CALN1: variants seen among roughly 807,000 people sequenced by gnomAD.
CALN1 encodes calcium-binding protein 8.
Under a neutral mutation model 30.6 loss-of-function variants are expected in CALN1, and 17 were observed. The observed-to-expected ratio is 0.56, with a 90% CI of 0.38 to 0.83. CALN1 has a LOEUF of 0.83. CALN1 is among the 40% of genes least tolerant of loss of function. The probability of loss-of-function intolerance (pLI) is 0.00; values close to 1 mark genes in which losing one functional copy is unlikely to be tolerated. For missense variants in CALN1, 291 were observed against 354.9 expected (o/e 0.82, Z 1.45); for synonymous variants, 156 against 131.4 (o/e 1.19, Z -1.28).
At chr7:71,997,353 G>A (rs1799306955) in intron 5 of CALN1, among the ~76,000 whole-genome samples, 1 of 152,146 alleles carries the variant, frequency 6.6e-6, no homozygotes, top group Non-Finnish European at 1.5e-5. Flanking sequence ...CAAAATCAGT[G>A]ATTGTGAGGA....
At chr7:71,906,364 T>C (rs2116972677) in intron 5 of CALN1, among the ~76,000 whole-genome samples, 1 of 152,216 alleles carries the variant, frequency 6.6e-6, no homozygotes, top group East Asian at 1.9e-4. Flanking sequence ...GAGGAGGAGC[T>C]TAGATATTGA....
intron 3 of CALN1, among the ~76,000 whole-genome samples, chr7:72,155,471 G>A (rs1381005989): frequency 6.1e-5 from 9 of 148,330 alleles, no homozygotes; most frequent in Non-Finnish European, 1.0e-4. Context: ...CAGCCTGGGC[G>A]ACAGAGCAAG....
In CALN1 at chr7:71,779,809, G is replaced by A. The variant is rs146779566; in HGVS notation, c.*7966C>T. On this transcript the variant is annotated 3_prime_UTR_variant, in exon 7 of 7. Coordinates refer to ENST00000395275, the MANE Select transcript of CALN1 (RefSeq NM_031468.4). Reference sequence around the variant, plus strand: ...ATGAGAGAAAATGGGATGCTAATGAGGTAAATGGGAAGATGGTGATTGATG... The same window carrying A: ...ATGAGAGAAAATGGGATGCTAATGAAGTAAATGGGAAGATGGTGATTGATG... The A allele has an allele frequency of 6.6e-6, 1 of 152,206 alleles. No homozygotes were observed. Among genetic ancestry groups the A allele is most frequent in the African/African-American group, 2.4e-5 (1 of 41,520 alleles). 9.4% of individuals were successfully genotyped at this position (152,206 alleles called of 1,614,324 possible).
At chr7:71,901,084 C>T (rs1793822653) in intron 5 of CALN1, among the ~76,000 whole-genome samples, 1 of 152,160 alleles carries the variant, frequency 6.6e-6, no homozygotes, top group South Asian at 2.1e-4. Context: ...AACTTCTTTG[C>T]CTACTCTTAC....
intron 2 of CALN1, among the ~76,000 whole-genome samples, chr7:72,298,152 A>C (rs1020741331): frequency 2.6e-5 from 4 of 152,186 alleles, no homozygotes; most frequent in Non-Finnish European, 2.9e-5. Flanking sequence ...TGTCATCTTT[A>C]CCTGTGTATG....
At chr7:71,797,112 C>G (rs960583546) in intron 6 of CALN1, among the ~76,000 whole-genome samples, 1 of 152,242 alleles carries the variant, frequency 6.6e-6, no homozygotes, top group Non-Finnish European at 1.5e-5. Flanking sequence ...CATAATCCCT[C>G]TGCCTTCAAT....
chr7:71,813,870 G>A (rs1788106630), intron 5 of CALN1, among the ~76,000 whole-genome samples: 2 of 149,576 alleles, frequency 1.3e-5, no homozygotes, highest in Admixed American at 6.7e-5. Flanking sequence ...GGCGGAGCTT[G>A]CAGTGAGCCG....
At chr7:72,399,627 A>G (rs557185615) in intron 2 of CALN1, among the ~76,000 whole-genome samples, 3 of 152,208 alleles carry the variant, frequency 2.0e-5, no homozygotes, top group South Asian at 2.1e-4. Context: ...TGTAGGGATC[A>G]CCTTCTTAAA....
intron 6 of CALN1, among the ~76,000 whole-genome samples, chr7:71,803,529 C>A (rs12699089): frequency 0.2 from 30,017 of 152,024 alleles, 3,877 homozygotes; most frequent in East Asian, 0.66. Flanking sequence ...GGCTGGAGTG[C>A]AGTGGCACAA....
At chr7:71,958,162 T>A (rs575163079) in intron 5 of CALN1, among the ~76,000 whole-genome samples, 1 of 151,558 alleles carries the variant, frequency 6.6e-6, no homozygotes, top group South Asian at 2.1e-4. Context: ...TATTCCATCA[T>A]GGTGAAGTCT....
chr7:72,009,672 T>C (rs1799959114), intron 5 of CALN1, among the ~76,000 whole-genome samples: 1 of 152,208 alleles, frequency 6.6e-6, no homozygotes, highest in African/African-American at 2.4e-5. Flanking sequence ...GATCATTGAA[T>C]CATAGGGGTG....
In CALN1 at chr7:72,237,519, C is replaced by G. The variant is rs556786047; in HGVS notation, c.244+41167G>C. On this transcript the variant is annotated intron_variant, in intron 3 of 6. Transcript: ENST00000395275. ...AGCAGCAGACCAGGAGAGGCAGAGA[C>G]AGGCACAGAAGCCACAGCGAGGGCC... Among the ~76,000 whole-genome samples, 6 of 152,268 alleles carry G rather than the reference C, an allele frequency of 3.9e-5. No homozygotes were observed. In the East Asian group the frequency reaches 1.2e-3, roughly 29 times the overall value.
At chr7:71,925,496 T>G (rs13241068) in intron 5 of CALN1, among the ~76,000 whole-genome samples, 15 of 60,712 alleles carry the variant, frequency 2.5e-4, no homozygotes, top group Non-Finnish European at 3.4e-4. Flanking sequence ...GTTTTTTTGG[T>G]TTTTTTTTTT....
chr7:72,341,529 C>CA (rs756520895), intron 2 of CALN1, among the ~76,000 whole-genome samples: 20 of 133,850 alleles, frequency 1.5e-4, no homozygotes, highest in Admixed American at 5.6e-4. Context: ...TCTCAAAAAA[C>CA]AAAAAAACAG....
intron 2 of CALN1, among the ~76,000 whole-genome samples, chr7:72,308,659 G>A (rs1319017700): frequency 1.3e-5 from 2 of 152,108 alleles, no homozygotes; most frequent in African/African-American, 2.4e-5. Context: ...TCCTTCTGAT[G>A]AACTCACACT....
intron 2 of CALN1, among the ~76,000 whole-genome samples, chr7:72,351,984 C>T (rs1250393026): frequency 1.3e-5 from 2 of 152,020 alleles, no homozygotes; most frequent in African/African-American, 2.4e-5. Flanking sequence ...ATTCTCAGTA[C>T]TTTGGTATTT....
intron 4 of CALN1, among the ~76,000 whole-genome samples, chr7:72,027,497 G>A (rs952634007): frequency 6.6e-6 from 1 of 150,892 alleles, no homozygotes; most frequent in African/African-American, 2.4e-5. Context: ...GATCACTTAA[G>A]GCCAGGAGTT....
chr7:72,448,188 C>T (rs1434917682), upstream of CALN1, among the ~76,000 whole-genome samples: 1 of 152,232 alleles, frequency 6.6e-6, no homozygotes, highest in Non-Finnish European at 1.5e-5. Flanking sequence ...GCCCACTTTT[C>T]CAGCCATGTG....
chr7:72,064,295 A>AAT (rs1803872226), intron 4 of CALN1, among the ~76,000 whole-genome samples: 1 of 142,994 alleles, frequency 7.0e-6, no homozygotes, highest in Non-Finnish European at 1.5e-5. Context: ...AAAAAAAAAA[A>AAT]TAATTAATTA....
Sources: gnomAD v4.1 joint callset for allele counts (sites outside exome capture counted in the v4.1 genomes callset) on GRCh38, gnomAD v4.1.1 for gene constraint, MANE v1.5 for transcripts, NCBI Gene and HGNC (gene_info 2026-07-23, HGNC 2026-07-21) for gene names.